Variants in SNX29 observed in about 807,000 individuals in gnomAD.
SNX29 encodes the protein sorting nexin 29.
Under a neutral mutation model 102.1 loss-of-function variants are expected in SNX29, and 78 were observed. That is an observed-to-expected ratio of 0.76 (90% CI 0.64 to 0.92). The LOEUF (loss-of-function observed/expected upper bound fraction) is 0.92, where lower values mean the gene tolerates loss of function less well. Among genes scored for constraint, SNX29 ranks in the 40% least tolerant of loss-of-function variants. The pLI, the probability that SNX29 is intolerant of heterozygous loss-of-function variation, is 0.00. For missense variants in SNX29, 1,280 were observed against 1,061.7 expected (o/e 1.21, Z -2.86); for synonymous variants, 580 against 414.5 (o/e 1.40, Z -4.85).
chr16:12,385,231 C>G (rs1026457502), intron 16 of SNX29, among the ~76,000 whole-genome samples: 7 of 152,118 alleles, frequency 4.6e-5, no homozygotes, highest in Non-Finnish European at 8.8e-5. Context: ...TTTCTAAAGT[C>G]TTTGCTTATT....
chr16:12,567,051 C>G (rs570653912), intron 20 of SNX29, among the ~76,000 whole-genome samples: 2 of 152,330 alleles, frequency 1.3e-5, no homozygotes, highest in South Asian at 4.1e-4. Context: ...CATGAAGATG[C>G]TAGGCTGTTT....
chr16:12,010,357 G>T (rs141609769), intron 3 of SNX29, among the ~76,000 whole-genome samples: 1 of 152,134 alleles, frequency 6.6e-6, no homozygotes, highest in East Asian at 1.9e-4. Context: ...GCAGTGGCCC[G>T]CACTTGTAAT....
At chr16:12,537,867 C>G (rs2077146128) in intron 20 of SNX29, among the ~76,000 whole-genome samples, 1 of 152,004 alleles carries the variant, frequency 6.6e-6, no homozygotes, top group Non-Finnish European at 1.5e-5. Context: ...CGCTTATAGT[C>G]CCAGCTTTTT....
chr16:12,209,392 G>T (rs923334613), intron 14 of SNX29, among the ~76,000 whole-genome samples: 2 of 152,128 alleles, frequency 1.3e-5, no homozygotes, highest in Non-Finnish European at 2.9e-5. Flanking sequence ...GTTTTGCCAT[G>T]TTGGCCAGAC....
rs777025784 is a variant in SNX29 at position 12,572,367 on chromosome 16, T to G, written c.*3738T>G. On this transcript the variant is annotated 3_prime_UTR_variant, in exon 21 of 21. Coordinates refer to ENST00000566228, the MANE Select transcript of SNX29 (RefSeq NM_032167.5). ...TGGTTGATGGACAGCAGGCTCTGCCTTCTGGAGGCGGCTTATATCCCAACA... is the reference window on the plus strand; with the variant it reads ...TGGTTGATGGACAGCAGGCTCTGCCGTCTGGAGGCGGCTTATATCCCAACA... 9.4e-7 allele frequency: 1 copy of G among 1,062,980 alleles called. No individual in the cohort carries two copies. The highest frequency in any genetic ancestry group is 1.1e-6 in the Non-Finnish European group (1 of 877,770). The allele number at this position is 1,062,980 out of a possible 1,614,324, so 65.8% of individuals were successfully genotyped here. A position where few individuals can be genotyped will look rare whatever the true frequency, so the allele number is the denominator to read the frequency against.
At position 12,179,305 on chromosome 16, in the gene SNX29, G is replaced by A. The variant is rs145673698; in HGVS notation, c.1596-20296G>A. Among the ~76,000 whole-genome samples, 33 of 152,344 alleles carry A rather than the reference G, an allele frequency of 2.2e-4. No homozygotes were observed. In the East Asian group the frequency reaches 5.2e-3, roughly 24 times the overall value. Reference sequence around the variant, plus strand: ...TCGAGATCAGACTGGGCAACGTGGCGAAGCCCCATCTCTATACAAAATAGA... The same window carrying A: ...TCGAGATCAGACTGGGCAACGTGGCAAAGCCCCATCTCTATACAAAATAGA... On this transcript the variant is annotated intron_variant, in intron 13 of 20. Coordinates refer to ENST00000566228, the MANE Select transcript of SNX29 (RefSeq NM_032167.5).
chr16:12,070,327 CT>C (rs1292191831), intron 10 of SNX29, among the ~76,000 whole-genome samples: 1 of 114,982 alleles, frequency 8.7e-6, no homozygotes, highest in Non-Finnish European at 1.7e-5. Context: ...TCCCTCCCCC[CT>C]CCCCCCACCC....
rs974268155 is a variant in SNX29, at chr16:12,573,840, C to G, written c.*5211C>G. The G allele has an allele frequency of 1.4e-5, 3 of 213,962 alleles. No homozygotes were observed. The highest frequency in any genetic ancestry group is 6.8e-5 in the African/African-American group (3 of 44,136). 13.3% of individuals were successfully genotyped at this position (213,962 alleles called of 1,614,324 possible). A position where few individuals can be genotyped will look rare whatever the true frequency, so the allele number is the denominator to read the frequency against. ...TAATTGGAATTTTTATTATCCAGGA[C>G]TCATCCTAAGAAGAATGTTGGCCTC... On this transcript the variant is annotated 3_prime_UTR_variant, in exon 21 of 21. Coordinates refer to ENST00000566228, the MANE Select transcript of SNX29 (RefSeq NM_032167.5).
chr16:12,557,329 A>G (rs1407360776), intron 20 of SNX29: 1 of 152,000 alleles, frequency 6.6e-6, no homozygotes, highest in Non-Finnish European at 1.5e-5. Context: ...CTTCAGAGAG[A>G]TGGGAAGAAC....
At chr16:12,351,026 T>C (rs2081977953) in intron 15 of SNX29, among the ~76,000 whole-genome samples, 1 of 152,202 alleles carries the variant, frequency 6.6e-6, no homozygotes, top group African/African-American at 2.4e-5. Context: ...AGAGCACAGA[T>C]AGTAGGGCCA....
intron 20 of SNX29, among the ~76,000 whole-genome samples, chr16:12,561,561 T>C (rs549283843): frequency 6.6e-6 from 1 of 152,172 alleles, no homozygotes; most frequent in East Asian, 1.9e-4. Context: ...TGATGAGCAG[T>C]TGAGGCTGTC....
intron 13 of SNX29, among the ~76,000 whole-genome samples, chr16:12,165,913 A>G (rs7192589): frequency 0.19 from 28,241 of 152,214 alleles, 2,709 homozygotes; most frequent in East Asian, 0.27. Context: ...TCTGCTGCAC[A>G]CTAGCCATGT....
At chr16:12,126,245 A>G (rs1343925112) in intron 11 of SNX29, among the ~76,000 whole-genome samples, 1 of 152,232 alleles carries the variant, frequency 6.6e-6, no homozygotes, top group Non-Finnish European at 1.5e-5. Flanking sequence ...GATCAGTAGT[A>G]CTTGCTAAAT....
chr16:12,545,537 C>A (rs1324674826), intron 20 of SNX29: 3 of 152,226 alleles, frequency 2.0e-5, no homozygotes, highest in African/African-American at 7.2e-5. Context: ...GGGCCTTTGC[C>A]AGCAGACGAC....
intron 14 of SNX29, among the ~76,000 whole-genome samples, chr16:12,253,757 A>G (rs1394721987): frequency 6.6e-6 from 1 of 152,178 alleles, no homozygotes; most frequent in South Asian, 2.1e-4. Flanking sequence ...GAAGGGGGCC[A>G]CTGGAGGACT....
intron 14 of SNX29, among the ~76,000 whole-genome samples, chr16:12,206,095 C>T (rs900717643): frequency 1.3e-5 from 2 of 152,140 alleles, no homozygotes; most frequent in South Asian, 2.1e-4. Context: ...CTGGATTCTC[C>T]TGATCGTGTG....
intron 18 of SNX29, among the ~76,000 whole-genome samples, chr16:12,474,742 G>C (rs12598509): frequency 0.18 from 26,706 of 152,036 alleles, 2,898 homozygotes; most frequent in African/African-American, 0.32. Flanking sequence ...TTCTTAACTC[G>C]GGTAATTTTT....
At chr16:12,008,890 C>T (rs575670974) in intron 3 of SNX29, among the ~76,000 whole-genome samples, 7 of 151,952 alleles carry the variant, frequency 4.6e-5, no homozygotes, top group Non-Finnish European at 7.4e-5. Context: ...TATAGGTGCG[C>T]GCCTCCAGGC....
chr16:12,082,293 G>A (rs2051940072), intron 11 of SNX29, among the ~76,000 whole-genome samples: 1 of 152,092 alleles, frequency 6.6e-6, no homozygotes, highest in African/African-American at 2.4e-5. Flanking sequence ...ATCCCTGTGT[G>A]CCCTGGCAGG....
Sources: gnomAD v4.1 joint callset for allele counts (sites outside exome capture counted in the v4.1 genomes callset) on GRCh38, gnomAD v4.1.1 for gene constraint, MANE v1.5 for transcripts, NCBI Gene and HGNC (gene_info 2026-07-23, HGNC 2026-07-21) for gene names.